MINDY2: variants seen among roughly 807,000 people sequenced by gnomAD.
MINDY2 encodes MINDY lysine 48 deubiquitinase 2.
A neutral mutation model predicts 68.2 loss-of-function variants in MINDY2; 52 were observed. The observed-to-expected ratio is 0.76, with a 90% CI of 0.61 to 0.96. The LOEUF is 0.96. Among genes scored for constraint, MINDY2 ranks in the 40% least tolerant of loss-of-function variants. The pLI is 0.00. For synonymous variants in MINDY2, 372 were observed against 303.0 expected (o/e 1.23, Z -2.36); for missense variants, 881 against 773.4 (o/e 1.14, Z -1.65).
At chr15:58,833,463 C>T (rs1185206608) in intron 6 of MINDY2, among the ~76,000 whole-genome samples, 5 of 152,132 alleles carry the variant, frequency 3.3e-5, no homozygotes, top group Admixed American at 3.3e-4. Context: ...CCCAGGGGAC[C>T]AGCGTTCAGC....
chr15:58,821,688 G>T, intron 4 of MINDY2, 29 bp from the exon 5 acceptor site: 1 of 1,387,970 alleles, frequency 7.2e-7, no homozygotes, highest in South Asian at 1.4e-5. Flanking sequence ...ATCTTACCAT[G>T]ATTAGTGAGA....
intron 1 of MINDY2, among the ~76,000 whole-genome samples, chr15:58,775,402 TGGCTATAGGTGTTTA>T (rs1900711284): frequency 1.3e-5 from 2 of 152,134 alleles, no homozygotes; most frequent in Non-Finnish European, 2.9e-5. Context: ...AGAGGACCCA[TGGCTATAGGTGTTTA>T]GACTTTATAT....
chr15:58,791,353 C>G (rs1265542068), intron 2 of MINDY2, among the ~76,000 whole-genome samples: 1 of 150,636 alleles, frequency 6.6e-6, no homozygotes, highest in African/African-American at 2.4e-5. Context: ...TTAGTAGCCA[C>G]TAGCCACATG....
intron 1 of MINDY2, among the ~76,000 whole-genome samples, chr15:58,776,428 G>A (rs1900777426): frequency 6.6e-6 from 1 of 152,174 alleles, no homozygotes; most frequent in African/African-American, 2.4e-5. Context: ...TGAAAAACCA[G>A]CATGGGCACA....
intron 5 of MINDY2, among the ~76,000 whole-genome samples, chr15:58,827,343 T>G (rs1053391484): frequency 2.0e-5 from 3 of 152,206 alleles, no homozygotes; most frequent in Non-Finnish European, 2.9e-5. Context: ...ACTGTGGTGG[T>G]TATAATTTCT....
chr15:58,788,816 C>T (rs1901681431), intron 2 of MINDY2, among the ~76,000 whole-genome samples: 1 of 147,716 alleles, frequency 6.8e-6, no homozygotes, highest in Admixed American at 6.8e-5. Flanking sequence ...TTGAGACCTG[C>T]CTGGCCAACA....
At chr15:58,852,152 G>C (rs536330692) in intron 8 of MINDY2, among the ~76,000 whole-genome samples, 187 bp downstream of exon 8, 1 of 151,764 alleles carries the variant, frequency 6.6e-6, no homozygotes, top group Non-Finnish European at 1.5e-5. Flanking sequence ...CGGGCGTGGT[G>C]GTGGTGAACA....
In MINDY2 at chr15:58,847,207, A is replaced by T. The variant is rs575091226; in HGVS notation, c.1369-90A>T. ...CAGTAGGAATGTTTAATATATTCTG[A>T]AGATACAGATTGTAAAACTTTCCTT... On this transcript the variant is annotated intron_variant, in intron 6 of 8. Transcript: ENST00000559228. 1.5e-4 allele frequency: 143 copies of T among 986,086 alleles called. No homozygotes were observed. The East Asian group carries it at 3.7e-3, about 25-fold the overall frequency. The allele number at this position is 986,086 out of a possible 1,614,324, so 61.1% of individuals were successfully genotyped here.
chr15:58,836,293 G>A (rs925499104), intron 6 of MINDY2, among the ~76,000 whole-genome samples: 8 of 151,106 alleles, frequency 5.3e-5, no homozygotes, highest in Non-Finnish European at 1.2e-4. Context: ...AGGATGGAGT[G>A]CAGTGGCTAC....
chr15:58,857,960 AT>A lies in MINDY2; in HGVS notation c.*3353del, dbSNP rs1351951367. The A allele has an allele frequency of 5.9e-5, 9 of 152,190 alleles. No individual in the cohort carries two copies. The highest frequency in any genetic ancestry group is 1.3e-4 in the Non-Finnish European group (9 of 68,028). 9.4% of individuals were successfully genotyped at this position (152,190 alleles called of 1,614,324 possible). A position where few individuals can be genotyped will look rare whatever the true frequency, so the allele number is the denominator to read the frequency against. On this transcript the variant is annotated 3_prime_UTR_variant, in exon 9 of 9. Coordinates refer to ENST00000559228, the MANE Select transcript of MINDY2 (RefSeq NM_001040450.3). ...ATCCCATTGCATCCACAATGCTGTG[AT>A]TTATAGTACATGATCAACACTTAAA...
chr15:58,788,738 G>A (rs1325763059), intron 2 of MINDY2, among the ~76,000 whole-genome samples: 1 of 152,190 alleles, frequency 6.6e-6, no homozygotes, highest in African/African-American at 2.4e-5. Flanking sequence ...GGCCAGGTGT[G>A]GTGGCTCACG....
intron 2 of MINDY2, among the ~76,000 whole-genome samples, chr15:58,794,125 G>A (rs1309684606): frequency 1.3e-5 from 2 of 151,988 alleles, no homozygotes; most frequent in East Asian, 1.9e-4. Context: ...TGGGGGAGGA[G>A]GGGAGGAATC....
At position 58,860,325 on chromosome 15, in the gene MINDY2, C is replaced by T. The variant is rs567126455; in HGVS notation, c.*5715C>T. 7 of 152,116 alleles carry T rather than the reference C, an allele frequency of 4.6e-5. No homozygotes were observed. The highest frequency in any genetic ancestry group is 2.6e-4 in the Admixed American group (4 of 15,268). 9.4% of individuals were successfully genotyped at this position (152,116 alleles called of 1,614,324 possible). Reference sequence around the variant, plus strand: ...GTGGCTCATGCCTGTAATCCCAGCACTTTGGGAGGCTGAGGTGGGTGGATC... The same window carrying T: ...GTGGCTCATGCCTGTAATCCCAGCATTTTGGGAGGCTGAGGTGGGTGGATC... On this transcript the variant is annotated 3_prime_UTR_variant, in exon 9 of 9. Coordinates refer to ENST00000559228, the MANE Select transcript of MINDY2 (RefSeq NM_001040450.3).
At chr15:58,840,673 T>C (rs2032233898) in intron 6 of MINDY2, among the ~76,000 whole-genome samples, 1 of 136,538 alleles carries the variant, frequency 7.3e-6, no homozygotes, top group South Asian at 2.4e-4. Context: ...TATTATTATT[T>C]TGAGATGGAG....
In MINDY2 at chr15:58,859,751, C is replaced by T. The variant is rs1567084622; in HGVS notation, c.*5141C>T. ...AGTTCATGCATGTTCTTACTTAATC[C>T]TGGTGTTTTTGCTCTTAGATGTTAG... On this transcript the variant is annotated 3_prime_UTR_variant, in exon 9 of 9. Transcript: ENST00000559228. 2 of 152,072 alleles carry T rather than the reference C, an allele frequency of 1.3e-5. No individual in the cohort carries two copies. Among genetic ancestry groups the T allele is most frequent in the Non-Finnish European group, 2.9e-5 (2 of 68,002 alleles). The allele number at this position is 152,072 out of a possible 1,614,324, so 9.4% of individuals were successfully genotyped here. A position where few individuals can be genotyped will look rare whatever the true frequency, so the allele number is the denominator to read the frequency against.
At chr15:58,782,761 A>G (rs1567039056) in intron 1 of MINDY2, among the ~76,000 whole-genome samples, 2 of 152,066 alleles carry the variant, frequency 1.3e-5, no homozygotes, top group Non-Finnish European at 2.9e-5. Context: ...CAGTACTTCT[A>G]CTTACTTTGG....
chr15:58,831,041 G>GTATATATATATATATATATATATATA lies in MINDY2; in HGVS notation c.1226-714_1226-713insATATATATATATATATATATATATAT, dbSNP rs61211927. Among the ~76,000 whole-genome samples, 166 of 124,854 alleles carry GTATATATATATATATATATATATATA rather than the reference G, an allele frequency of 1.3e-3. 1 individual carries two copies. The highest frequency in any genetic ancestry group is 4.1e-3 in the Middle Eastern group (1 of 242). 81.9% of individuals were successfully genotyped at this position (124,854 alleles called of 152,430 possible). On this transcript the variant is annotated intron_variant, in intron 5 of 8. Transcript: ENST00000559228. ...TGTGTGTGTGTGTGTGTGTGTGTGTGTATATATATATATATATATGTTTTA... is the reference window on the plus strand; with the variant it reads ...TGTGTGTGTGTGTGTGTGTGTGTGTGTATATATATATATATATATATATATATATATATATATATATATATGTTTTA...
In MINDY2 at chr15:58,831,041, G is replaced by GTATA. The variant is rs61211927; in HGVS notation, c.1226-717_1226-714dup. Among the ~76,000 whole-genome samples, 662 of 124,892 alleles carry GTATA rather than the reference G, an allele frequency of 5.3e-3. 4 individuals are homozygous for GTATA. The highest frequency in any genetic ancestry group is 7.9e-3 in the Non-Finnish European group (496 of 62,902). The allele number at this position is 124,892 out of a possible 152,430, so 81.9% of individuals were successfully genotyped here. A position where few individuals can be genotyped will look rare whatever the true frequency, so the allele number is the denominator to read the frequency against. On this transcript the variant is annotated intron_variant, in intron 5 of 8. Coordinates refer to ENST00000559228, the MANE Select transcript of MINDY2 (RefSeq NM_001040450.3). ...TGTGTGTGTGTGTGTGTGTGTGTGTGTATATATATATATATATATGTTTTA... is the reference window on the plus strand; with the variant it reads ...TGTGTGTGTGTGTGTGTGTGTGTGTGTATATATATATATATATATATATGTTTTA...
Position 58,858,960 on chromosome 15 carries a change from T to C in MINDY2, c.*4350T>C, listed in dbSNP as rs2033140755. 6.6e-6 allele frequency: 1 copy of C among 152,160 alleles called. No individual in the cohort carries two copies. Among genetic ancestry groups the C allele is most frequent in the South Asian group, 2.1e-4 (1 of 4,832 alleles). 9.4% of individuals were successfully genotyped at this position (152,160 alleles called of 1,614,324 possible). A position where few individuals can be genotyped will look rare whatever the true frequency, so the allele number is the denominator to read the frequency against. ...GAAGGATGCTCTTTTTGATTAAGTG[T>C]TTTGCACTCCTGAATAAAGGGCATA... On this transcript the variant is annotated 3_prime_UTR_variant, in exon 9 of 9. Transcript: ENST00000559228.
Sources: allele counts gnomAD v4.1 joint callset (sites outside exome capture counted in the v4.1 genomes callset), GRCh38; gene constraint gnomAD v4.1.1; transcripts MANE v1.5; gene names NCBI Gene and HGNC (gene_info 2026-07-23, HGNC 2026-07-21).